The following DZIP3 variants were observed in gnomAD, a reference collection of about 807,000 sequenced individuals.
The protein encoded by DZIP3 is DAZ interacting zinc finger protein 3.
In DZIP3, 118 loss-of-function variants were observed where a neutral mutation model predicts 162.0. That is an observed-to-expected ratio of 0.73 (90% CI 0.63 to 0.85). The LOEUF (loss-of-function observed/expected upper bound fraction) is 0.85, where lower values mean the gene tolerates loss of function less well. Ranked by LOEUF, DZIP3 falls within the 40% of genes least tolerant of loss-of-function variation. DZIP3 has a pLI of 0.00. For missense variants in DZIP3, 1,331 were observed against 1,407.0 expected (o/e 0.95, Z 0.86); for synonymous variants, 438 against 458.6 (o/e 0.96, Z 0.57).
chr3:108,602,098 G>A (rs142899891), intron 1 of DZIP3, among the ~76,000 whole-genome samples: 57 of 152,220 alleles, frequency 3.7e-4, no homozygotes, highest in Middle Eastern at 3.4e-3. Flanking sequence ...TAACATTTTA[G>A]TCAAGATGAA....
chr3:108,647,022 C>A lies in DZIP3; in HGVS notation c.1792+373C>A, dbSNP rs535413073. Among the ~76,000 whole-genome samples, 9 of 152,210 alleles carry A rather than the reference C, an allele frequency of 5.9e-5. No individual in the cohort carries two copies. In the East Asian group the frequency reaches 1.7e-3, roughly 29 times the overall value. ...CGCCACTGCATTCCAGCCTGGGCGA[C>A]AGAGCGAGATTCAGTCTCAAAAAAA... On this transcript the variant is annotated intron_variant, in intron 15 of 32. Coordinates refer to ENST00000361582, the MANE Select transcript of DZIP3 (RefSeq NM_014648.4).
At chr3:108,624,641 C>A in intron 6 of DZIP3, 117 bp downstream of exon 6, 1 of 505,538 alleles carries the variant, frequency 2.0e-6, no homozygotes, top group Middle Eastern at 4.4e-4. Context: ...TAGCTTATAA[C>A]TTCATTTCTT....
At chr3:108,601,502 G>A (rs578100825) in intron 1 of DZIP3, among the ~76,000 whole-genome samples, 64 of 152,262 alleles carry the variant, frequency 4.2e-4, no homozygotes, top group African/African-American at 1.4e-3. Context: ...AGTTAGTAGC[G>A]TGGAGAAAAG....
At position 108,595,147 on chromosome 3, in the gene DZIP3, A is replaced by G. The variant is rs1477495279; in HGVS notation, c.-73+5308A>G. Among the ~76,000 whole-genome samples, 2 of 152,202 alleles carry G rather than the reference A, an allele frequency of 1.3e-5. 1 individual carries two copies. Among genetic ancestry groups the G allele is most frequent in the East Asian group, 3.8e-4 (2 of 5,206 alleles). On this transcript the variant is annotated intron_variant, in intron 1 of 32. Coordinates refer to ENST00000361582, the MANE Select transcript of DZIP3 (RefSeq NM_014648.4). The stretch of plus-strand genomic sequence containing the variant: ...CACATGGTATTTTTTAGGGTAAAAT[A>G]TTAAGTATCCACTTCCTTCATTCTT...
intron 19 of DZIP3, among the ~76,000 whole-genome samples, chr3:108,659,313 CA>C (rs1442883570): frequency 6.6e-6 from 1 of 152,180 alleles, no homozygotes; most frequent in Admixed American, 6.5e-5. Flanking sequence ...TGGGCTTCAT[CA>C]CTGGGATGCA....
chr3:108,635,442 ATT>A (rs1482400097), intron 10 of DZIP3: 7 of 215,792 alleles, frequency 3.2e-5, no homozygotes, highest in African/African-American at 1.7e-4. Context: ...AACTTTTAAT[ATT>A]TACATTTAGT....
At chr3:108,615,822 A>G (rs1350095217) in intron 4 of DZIP3, among the ~76,000 whole-genome samples, 2 of 152,244 alleles carry the variant, frequency 1.3e-5, no homozygotes, top group Admixed American at 6.5e-5. Context: ...TAATGCCAGC[A>G]TTCCTGTTTA....
At chr3:108,673,452 T>C (rs927960238) in intron 23 of DZIP3, among the ~76,000 whole-genome samples, 3 of 151,266 alleles carry the variant, frequency 2.0e-5, no homozygotes, top group African/African-American at 4.9e-5. Flanking sequence ...TTTGTGCTTC[T>C]ATTATTAATT....
At chr3:108,642,890 C>T (rs1325498569) in intron 13 of DZIP3, among the ~76,000 whole-genome samples, 1 of 152,118 alleles carries the variant, frequency 6.6e-6, no homozygotes, top group Non-Finnish European at 1.5e-5. Flanking sequence ...GAGTTTGAGG[C>T]CAAGTTTTGA....
At chr3:108,659,345 A>G (rs1284193604) in intron 19 of DZIP3, among the ~76,000 whole-genome samples, 1 of 152,216 alleles carries the variant, frequency 6.6e-6, no homozygotes, top group East Asian at 1.9e-4. Flanking sequence ...AACATACGCA[A>G]ATCAATAAAT....
At chr3:108,612,748 T>C (rs1464635702) in intron 4 of DZIP3, among the ~76,000 whole-genome samples, 2 of 152,176 alleles carry the variant, frequency 1.3e-5, no homozygotes, top group Non-Finnish European at 2.9e-5. Flanking sequence ...GTATTGTCTT[T>C]TCAATTTTTT....
intron 17 of DZIP3, among the ~76,000 whole-genome samples, chr3:108,650,625 ATCT>A (rs927193334): frequency 2.0e-5 from 3 of 151,586 alleles, no homozygotes; most frequent in Admixed American, 1.3e-4. Flanking sequence ...TCAAATTGTG[ATCT>A]TCTTAACACT....
At chr3:108,619,102 A>G (rs1941186593) in intron 5 of DZIP3, among the ~76,000 whole-genome samples, 2 of 146,008 alleles carry the variant, frequency 1.4e-5, no homozygotes, top group Admixed American at 6.8e-5. Flanking sequence ...CTTATATCCT[A>G]TGGGTATTTA....
intron 7 of DZIP3, among the ~76,000 whole-genome samples, chr3:108,626,263 A>T (rs1050419659): frequency 1.3e-5 from 2 of 152,214 alleles, no homozygotes; most frequent in African/African-American, 4.8e-5. Flanking sequence ...TAAGAAACTT[A>T]ATGTTGTTAA....
Position 108,675,840 on chromosome 3 carries a change from G to T in DZIP3, c.2748G>T (p.Val916=). 1 of 1,610,204 alleles carries T rather than the reference G, an allele frequency of 6.2e-7. No homozygotes were observed. The highest frequency in any genetic ancestry group is 1.1e-5 in the South Asian group (1 of 90,708). The change falls in exon 25 of 33, where the codon GTG becomes GTT. Residue 916 remains valine, a synonymous_variant. Transcript: ENST00000361582. ...CGGTAGACAGTTGGAATGCCATTGT[G>T]GCAGATGTTAGAAACAAGATTGCAT... is the stretch of plus-strand genomic sequence containing the variant. The part of the protein sequence containing the change: ...KAAVDSWNAI[V]ADVRNKIAFL...
Position 108,648,124 on chromosome 3 carries a change from C to T in DZIP3, c.1962+12C>T. 2.5e-6 allele frequency: 4 copies of T among 1,582,762 alleles called. No homozygotes were observed. The highest frequency in any genetic ancestry group is 2.3e-5 in the East Asian group (1 of 44,400). On this transcript the variant is annotated intron_variant, in intron 16 of 32. Transcript: ENST00000361582. ...AAGATCTCCAGGAAGTATAAGCTCT[C>T]ATTAATATTTGAGTTAGAAGAACTT... is the stretch of plus-strand genomic sequence containing the variant.
chr3:108,674,653 G>T lies in DZIP3; in HGVS notation c.2693+472G>T, dbSNP rs78084842. 2.6e-5 allele frequency among the ~76,000 whole-genome samples: 4 copies of T among 151,822 alleles called. No individual in the cohort carries two copies. The East Asian group carries it at 7.8e-4, about 29-fold the overall frequency. ...TTAAACACCTACAGAATATGTTGAG[G>T]GAAACATCAGTATTAACACCTAAAT... On this transcript the variant is annotated intron_variant, in intron 24 of 32. Coordinates refer to ENST00000361582, the MANE Select transcript of DZIP3 (RefSeq NM_014648.4).
intron 26 of DZIP3, among the ~76,000 whole-genome samples, chr3:108,682,766 A>G (rs1264300238): frequency 6.6e-6 from 1 of 150,782 alleles, no homozygotes; most frequent in Admixed American, 6.6e-5. Flanking sequence ...GATTTTGAAT[A>G]TTAGAACCAC....
At chr3:108,614,445 A>G (rs28674954) in intron 4 of DZIP3, among the ~76,000 whole-genome samples, 2,907 of 152,294 alleles carry the variant, frequency 0.019, 100 homozygotes, top group African/African-American at 0.067. Context: ...AAATTATTTA[A>G]TTCAACCTGG....
Sources: allele counts gnomAD v4.1 joint callset (sites outside exome capture counted in the v4.1 genomes callset), GRCh38; gene constraint gnomAD v4.1.1; transcripts MANE v1.5; gene names NCBI Gene and HGNC (gene_info 2026-07-23, HGNC 2026-07-21).